Variants in PLXNA2 observed in about 807,000 individuals in gnomAD.
PLXNA2 encodes plexin A2, also known as plexin-A2.
In PLXNA2, 91 loss-of-function variants were observed where a neutral mutation model predicts 193.5. The observed-to-expected ratio is 0.47, with a 90% CI of 0.40 to 0.56. The LOEUF is 0.56. PLXNA2 is among the 20% of genes least tolerant of loss of function. PLXNA2 has a pLI of 0.00. For missense variants in PLXNA2, 1,995 were observed against 2,503.2 expected (o/e 0.80, Z 4.33); for synonymous variants, 997 against 1,027.3 (o/e 0.97, Z 0.56).
chr1:208,227,098 C>A (rs1318200335), intron 1 of PLXNA2, among the ~76,000 whole-genome samples: 1 of 152,192 alleles, frequency 6.6e-6, no homozygotes, highest in Non-Finnish European at 1.5e-5. Context: ...AATTCTCAGG[C>A]TCCTTCCAAA....
chr1:208,126,477 T>G (rs536114954), intron 4 of PLXNA2, among the ~76,000 whole-genome samples: 37 of 152,206 alleles, frequency 2.4e-4, no homozygotes, highest in Non-Finnish European at 3.2e-4. Context: ...AAGATCTTTT[T>G]AAAAAGATGT....
At chr1:208,136,676 T>G (rs1365858479) in intron 4 of PLXNA2, among the ~76,000 whole-genome samples, 3 of 152,128 alleles carry the variant, frequency 2.0e-5, no homozygotes, top group African/African-American at 7.2e-5. Flanking sequence ...AAATACCAGA[T>G]TATGGGAGAC....
chr1:208,052,959 C>T (rs555085368), intron 14 of PLXNA2, among the ~76,000 whole-genome samples: 1 of 152,078 alleles, frequency 6.6e-6, no homozygotes, highest in Non-Finnish European at 1.5e-5. Context: ...CAGCAGGGCA[C>T]CTGGTGCAGA....
rs192594483 is a variant in PLXNA2, at chr1:208,200,874, G to A, written c.1371+9406C>T. Reference sequence around the variant, plus strand: ...GCCTGCCTCGGCCTCCCAAAGTGCTGGGATTACAGGCGTGAACAACCGCGC... The same window carrying A: ...GCCTGCCTCGGCCTCCCAAAGTGCTAGGATTACAGGCGTGAACAACCGCGC... On this transcript the variant is annotated intron_variant, in intron 3 of 31. Coordinates refer to ENST00000367033, the MANE Select transcript of PLXNA2 (RefSeq NM_025179.4). Among the ~76,000 whole-genome samples, 6 of 152,158 alleles carry A rather than the reference G, an allele frequency of 3.9e-5. No homozygotes were observed. The East Asian group carries it at 5.8e-4, about 15-fold the overall frequency.
intron 3 of PLXNA2, among the ~76,000 whole-genome samples, chr1:208,145,438 T>C (rs1439716700): frequency 6.6e-6 from 1 of 152,230 alleles, no homozygotes; most frequent in Non-Finnish European, 1.5e-5. Context: ...CTCTGCTGGC[T>C]GGAATAGTCC....
At chr1:208,216,713 A>G in intron 2 of PLXNA2, 22 bp downstream of exon 2, 1 of 1,597,852 alleles carries the variant, frequency 6.3e-7, no homozygotes, top group Non-Finnish European at 8.5e-7. Context: ...GCAGGAGCAG[A>G]GCGAGGTGTG....
Position 208,054,528 on chromosome 1 carries a change from CACAG to C in PLXNA2, c.2745_2748del (p.Cys916ArgfsTer26). On this transcript the variant is annotated frameshift_variant, in exon 14 of 32. Coordinates refer to ENST00000367033, the MANE Select transcript of PLXNA2 (RefSeq NM_025179.4). LOFTEE classifies it high-confidence loss of function. ...GTTCCCACGAGGGCATGGCCCATCT[CACAG>C]ACAATCCTGGGGAGAAAGCAAACCT... 1 of 1,613,420 alleles carries C rather than the reference CACAG, an allele frequency of 6.2e-7. No homozygotes were observed. Among genetic ancestry groups the C allele is most frequent in the Non-Finnish European group, 8.5e-7 (1 of 1,179,350 alleles).
Position 208,216,927 on chromosome 1 carries a change from G to A in PLXNA2, c.996C>T (p.Asp332=), listed in dbSNP as rs138609776. 67 of 1,614,172 alleles carry A rather than the reference G, an allele frequency of 4.2e-5. No individual in the cohort carries two copies. The East Asian group carries it at 8.2e-4, about 20-fold the overall frequency. The change falls in exon 2 of 32, where the codon GAC becomes GAT. Residue 332 remains aspartate (D), a synonymous_variant. Transcript: ENST00000367033. Reference sequence around the variant, plus strand: ...TGGAGAAGATGGCAAAGAGTACATCGTCCTGGCTGGTGATATTGAAGGCCT... The same window carrying A: ...TGGAGAAGATGGCAAAGAGTACATCATCCTGGCTGGTGATATTGAAGGCCT... The part of the protein sequence containing the change: ...LAQAFNITSQ[D]DVLFAIFSKG...
chr1:208,089,768 G>T (rs561389850), intron 9 of PLXNA2, among the ~76,000 whole-genome samples: 22 of 152,256 alleles, frequency 1.4e-4, no homozygotes, highest in African/African-American at 4.1e-4. Flanking sequence ...GGGAAGGGAG[G>T]CTTACTGGAA....
rs1421412287 is a variant in PLXNA2 at position 208,031,911 on chromosome 1, A to G, written c.5056-152T>C. 7 of 1,314,122 alleles carry G rather than the reference A, an allele frequency of 5.3e-6. No individual in the cohort carries two copies. In the Admixed American group the frequency reaches 2.1e-4, roughly 40 times the overall value. The allele number at this position is 1,314,122 out of a possible 1,614,324, so 81.4% of individuals were successfully genotyped here. A position where few individuals can be genotyped will look rare whatever the true frequency, so the allele number is the denominator to read the frequency against. Reference sequence around the variant, plus strand: ...GTGTTGCGGGGTGGGGAAGGGTACTATTGGTTAGCTGGGGAGGTGGGAGAA... The same window carrying G: ...GTGTTGCGGGGTGGGGAAGGGTACTGTTGGTTAGCTGGGGAGGTGGGAGAA... On this transcript the variant is annotated intron_variant, in intron 28 of 31. Coordinates refer to ENST00000367033, the MANE Select transcript of PLXNA2 (RefSeq NM_025179.4).
chr1:208,225,872 C>G (rs973691258), intron 1 of PLXNA2, among the ~76,000 whole-genome samples: 8 of 152,178 alleles, frequency 5.3e-5, no homozygotes, highest in Admixed American at 1.3e-4. Flanking sequence ...CTGGGACTTC[C>G]CAGTTTCTGA....
chr1:208,184,548 AG>A (rs1325199126), intron 3 of PLXNA2, among the ~76,000 whole-genome samples: 1 of 152,086 alleles, frequency 6.6e-6, no homozygotes, highest in Non-Finnish European at 1.5e-5. Context: ...CAGGGATGGA[AG>A]GGGCACACAG....
intron 15 of PLXNA2, 84 bp downstream of exon 15, chr1:208,052,243 C>T (rs1665287356): frequency 7.2e-7 from 1 of 1,389,422 alleles, no homozygotes; most frequent in Non-Finnish European, 1.0e-6. Flanking sequence ...TGGGGCAGGC[C>T]TATGAATGAA....
intron 3 of PLXNA2, among the ~76,000 whole-genome samples, chr1:208,203,453 C>G (rs1670616220): frequency 6.6e-6 from 1 of 152,186 alleles, no homozygotes; most frequent in Non-Finnish European, 1.5e-5. Flanking sequence ...AGATGTGGAC[C>G]TGCAGCTCCG....
At chr1:208,116,694 C>T (rs1667648364) in intron 4 of PLXNA2, among the ~76,000 whole-genome samples, 1 of 152,174 alleles carries the variant, frequency 6.6e-6, no homozygotes, top group Non-Finnish European at 1.5e-5. Flanking sequence ...TCAGTTTTCA[C>T]ATTTGTTAAA....
At chr1:208,143,687 C>A (rs980561227) in intron 3 of PLXNA2, among the ~76,000 whole-genome samples, 3 of 152,170 alleles carry the variant, frequency 2.0e-5, no homozygotes, top group African/African-American at 7.2e-5. Flanking sequence ...GAAGCCTTCC[C>A]CATCCTCTCT....
chr1:208,134,500 C>A (rs1668246965), intron 4 of PLXNA2, among the ~76,000 whole-genome samples: 1 of 152,174 alleles, frequency 6.6e-6, no homozygotes, highest in Admixed American at 6.5e-5. Flanking sequence ...TGCATCAAAG[C>A]CTTGGATTGA....
At chr1:208,223,642 C>G (rs1056663223) in intron 1 of PLXNA2, among the ~76,000 whole-genome samples, 1 of 152,242 alleles carries the variant, frequency 6.6e-6, no homozygotes, top group East Asian at 1.9e-4. Flanking sequence ...AGGCAAATGT[C>G]ACACTCAGGA....
Position 208,052,480 on chromosome 1 carries a change from A to G in PLXNA2, c.2857-17T>C, listed in dbSNP as rs376740245. 1.1e-5 allele frequency: 18 copies of G among 1,613,552 alleles called. No individual in the cohort carries two copies. The African/African-American group carries it at 2.4e-4, about 22-fold the overall frequency. On this transcript the variant is annotated splice_polypyrimidine_tract_variant and intron_variant, in intron 14 of 31. Transcript: ENST00000367033. ...AGAAGGGTTCTTTGGAAAGAAGCAG[A>G]GAAATGACTACAGCTTAGGTTTTCT...
Sources: allele counts gnomAD v4.1 joint callset (sites outside exome capture counted in the v4.1 genomes callset), GRCh38; gene constraint gnomAD v4.1.1; transcripts MANE v1.5; gene names NCBI Gene and HGNC (gene_info 2026-07-23, HGNC 2026-07-21).